ADAMTSL1: variants seen among roughly 807,000 people sequenced by gnomAD.
ADAMTSL1 encodes the protein ADAMTS like 1, also known as ADAMTS-like protein 1.
ADAMTSL1 carries 126 observed loss-of-function variants against 201.8 expected under a neutral mutation model. The ratio of observed to expected loss-of-function variants is 0.62; its 90% CI spans 0.54 to 0.72. The LOEUF (loss-of-function observed/expected upper bound fraction) is 0.72. Among genes scored for constraint, ADAMTSL1 ranks in the 30% least tolerant of loss-of-function variants. The pLI is 0.00. For synonymous variants in ADAMTSL1, 1,121 were observed against 903.4 expected (o/e 1.24, Z -4.32); for missense variants, 2,679 against 2,277.8 (o/e 1.18, Z -3.59).
intron 7 of ADAMTSL1, among the ~76,000 whole-genome samples, chr9:18,641,647 T>C (rs1310876328): frequency 6.6e-6 from 1 of 152,050 alleles, no homozygotes; most frequent in Non-Finnish European, 1.5e-5. Flanking sequence ...AATTCTTAAA[T>C]TAGTTTGCTT....
chr9:18,022,406 A>G (rs561022547), intron 1 of ADAMTSL1, among the ~76,000 whole-genome samples: 2 of 152,242 alleles, frequency 1.3e-5, no homozygotes, highest in African/African-American at 2.4e-5. Flanking sequence ...ACCCCACACT[A>G]TCTTTGCCTC....
Position 17,987,284 on chromosome 9 carries a change from A to G in ADAMTSL1, c.87+80362A>G, listed in dbSNP as rs182978783. ...CCTTGTCCTGATGGTATTTCCCCAGATGATAAGCACCACGTTGTAATTACT... is the reference window on the plus strand; with the variant it reads ...CCTTGTCCTGATGGTATTTCCCCAGGTGATAAGCACCACGTTGTAATTACT... On this transcript the variant is annotated intron_variant, in intron 1 of 29. Coordinates refer to the ADAMTSL1 transcript ENST00000680146. 1.8e-4 allele frequency among the ~76,000 whole-genome samples: 28 copies of G among 152,218 alleles called. No individual in the cohort carries two copies. In the East Asian group the frequency reaches 3.1e-3, roughly 17 times the overall value.
chr9:18,714,051 T>C (rs1438113609), intron 14 of ADAMTSL1, among the ~76,000 whole-genome samples: 179 of 151,144 alleles, frequency 1.2e-3, no homozygotes, highest in South Asian at 1.7e-3. Flanking sequence ...TTGAAACCAA[T>C]GAGAACAAAG....
chr9:18,768,790 T>C (rs1820512365), intron 16 of ADAMTSL1, among the ~76,000 whole-genome samples: 2 of 152,020 alleles, frequency 1.3e-5, no homozygotes, highest in South Asian at 4.2e-4. Context: ...TCCGGTGGGG[T>C]CCAAACAACC....
chr9:18,813,965 T>C (rs1329857563), intron 20 of ADAMTSL1, among the ~76,000 whole-genome samples: 1 of 152,228 alleles, frequency 6.6e-6, no homozygotes, highest in Non-Finnish European at 1.5e-5. Context: ...ATATGGCCTT[T>C]ATATTCCTGA....
At chr9:18,276,946 G>GCTT (rs1832611002) in intron 2 of ADAMTSL1, among the ~76,000 whole-genome samples, 1 of 152,098 alleles carries the variant, frequency 6.6e-6, no homozygotes, top group Admixed American at 6.6e-5. Flanking sequence ...TGTGTATGCT[G>GCTT]CATCCAGTTT....
At chr9:18,355,357 GC>G (rs1224324657) in intron 2 of ADAMTSL1, among the ~76,000 whole-genome samples, 1 of 152,074 alleles carries the variant, frequency 6.6e-6, no homozygotes, top group Non-Finnish European at 1.5e-5. Flanking sequence ...TGTAGCCTTA[GC>G]TTTTTGTTAT....
intron 14 of ADAMTSL1, among the ~76,000 whole-genome samples, chr9:18,716,431 A>C (rs1298079643): frequency 6.6e-6 from 1 of 152,206 alleles, no homozygotes; most frequent in Non-Finnish European, 1.5e-5. Flanking sequence ...GGCAAAGGAC[A>C]TGAACACAGA....
chr9:18,136,209 A>G (rs187895792), intron 1 of ADAMTSL1, among the ~76,000 whole-genome samples: 76 of 152,320 alleles, frequency 5.0e-4, no homozygotes, highest in Middle Eastern at 3.4e-3. Flanking sequence ...TTATTAAAAA[A>G]TAAATATTTC....
chr9:18,183,327 T>A (rs536107041), intron 2 of ADAMTSL1, among the ~76,000 whole-genome samples: 30 of 152,330 alleles, frequency 2.0e-4, no homozygotes, highest in Non-Finnish European at 3.7e-4. Flanking sequence ...GTAGTGATGA[T>A]GTTTTATATA....
chr9:18,770,793 C>A lies in ADAMTSL1; in HGVS notation c.2397+12C>A, dbSNP rs1187552467. ...CAGACTGGACAGAGGTATGTATGTT[C>A]CTCCGAAGAGAATGAAAGAGATCCA... On this transcript the variant is annotated intron_variant, in intron 17 of 28. Coordinates refer to ENST00000380548, the MANE Select transcript of ADAMTSL1 (RefSeq NM_001040272.6). 6.2e-7 allele frequency: 1 copy of A among 1,611,388 alleles called. No homozygotes were observed. Among genetic ancestry groups the A allele is most frequent in the East Asian group, 2.2e-5 (1 of 44,826 alleles).
intron 2 of ADAMTSL1, among the ~76,000 whole-genome samples, chr9:18,405,015 C>T (rs150140813): frequency 6.6e-6 from 1 of 152,090 alleles, no homozygotes. Context: ...TGCCTTGAAT[C>T]TCCCTTTTCC....
chr9:18,588,902 T>TATAC (rs1177277949), intron 4 of ADAMTSL1, among the ~76,000 whole-genome samples: 9 of 116,778 alleles, frequency 7.7e-5, no homozygotes, highest in African/African-American at 2.7e-4. Flanking sequence ...TATATATATA[T>TATAC]ACATATATAT....
intron 1 of ADAMTSL1, among the ~76,000 whole-genome samples, chr9:18,050,188 T>C (rs1235621509): frequency 6.6e-6 from 1 of 152,222 alleles, no homozygotes; most frequent in Non-Finnish European, 1.5e-5. Flanking sequence ...AATGTCCTGC[T>C]TAAACTATTC....
intron 2 of ADAMTSL1, among the ~76,000 whole-genome samples, chr9:18,405,234 G>T (rs1818139731): frequency 6.6e-6 from 1 of 152,138 alleles, no homozygotes; most frequent in South Asian, 2.1e-4. Flanking sequence ...TTCTGATCAT[G>T]CCAGCCACAG....
intron 2 of ADAMTSL1, among the ~76,000 whole-genome samples, chr9:18,283,916 T>TAAA (rs71333034): frequency 0.028 from 732 of 26,496 alleles, 94 homozygotes; most frequent in African/African-American, 0.097. Flanking sequence ...AGACTCCGTC[T>TAAA]AAAAAAAAAA....
intron 2 of ADAMTSL1, among the ~76,000 whole-genome samples, chr9:18,247,618 T>C (rs1207394981): frequency 6.6e-6 from 1 of 152,184 alleles, no homozygotes; most frequent in Non-Finnish European, 1.5e-5. Context: ...ATTGATTGAA[T>C]GCTGGTCTTA....
intron 2 of ADAMTSL1, among the ~76,000 whole-genome samples, chr9:18,413,310 G>A (rs974702817): frequency 9.2e-5 from 14 of 151,904 alleles, no homozygotes; most frequent in South Asian, 2.1e-4. Context: ...GATTACAAGC[G>A]CCCGCCACCA....
chr9:18,653,788 C>A (rs1278976316), intron 7 of ADAMTSL1, among the ~76,000 whole-genome samples: 1 of 152,182 alleles, frequency 6.6e-6, no homozygotes, highest in Non-Finnish European at 1.5e-5. Context: ...AATGCCTAAT[C>A]TTAGCATTTC....
Sources: gnomAD v4.1 joint callset for allele counts (sites outside exome capture counted in the v4.1 genomes callset) on GRCh38, gnomAD v4.1.1 for gene constraint, MANE v1.5 for transcripts, NCBI Gene and HGNC (gene_info 2026-07-23, HGNC 2026-07-21) for gene names.